Variants in DNAH14 observed in about 807,000 individuals in gnomAD.
DNAH14 encodes axonemal beta dynein heavy chain 14.
In DNAH14, 478 loss-of-function variants were observed where a neutral mutation model predicts 520.9. The ratio of observed to expected loss-of-function variants is 0.92; its 90% CI spans 0.85 to 0.99. DNAH14 has a LOEUF of 0.99. DNAH14 is among the 50% of genes least tolerant of loss of function. The pLI is 0.00. For missense variants in DNAH14, 4,831 were observed against 5,234.5 expected, an observed-to-expected ratio of 0.92 and a Z score of 2.38; for synonymous variants, 1,581 against 1,757.2, an observed-to-expected ratio of 0.90 and a Z score of 2.51.
Position 225,258,119 on chromosome 1 carries a change from GTATT to G in DNAH14, c.7024+2_7024+5del, listed in dbSNP as rs1304901271. ...AATTCCTGCCCTGTACTTCTCACAG[GTATT>G]ACAAATATTTAATAGAAGGAGAATT... On this transcript the variant is annotated splice_donor_variant and splice_donor_5th_base_variant and intron_variant, in intron 45 of 85. Transcript: ENST00000682510. LOFTEE classifies it high-confidence loss of function. 1.3e-6 allele frequency: 2 copies of G among 1,491,950 alleles called. No homozygotes were observed. The highest frequency in any genetic ancestry group is 2.9e-5 in the African/African-American group (2 of 68,918). 92.4% of individuals were successfully genotyped at this position (1,491,950 alleles called of 1,614,324 possible). A position where few individuals can be genotyped will look rare whatever the true frequency, so the allele number is the denominator to read the frequency against.
At chr1:224,997,737 T>C (rs1306430068) in intron 8 of DNAH14, among the ~76,000 whole-genome samples, 1 of 152,072 alleles carries the variant, frequency 6.6e-6, no homozygotes, top group Non-Finnish European at 1.5e-5. Context: ...TCTTTTTTTT[T>C]CAGATTATCG....
At chr1:225,201,115 C>T (rs980273146) in intron 38 of DNAH14, among the ~76,000 whole-genome samples, 5 of 151,726 alleles carry the variant, frequency 3.3e-5, no homozygotes, top group African/African-American at 9.7e-5. Flanking sequence ...ACCTTGTCTT[C>T]GAGGTCTGAA....
At chr1:224,988,253 A>G (rs1268684725) in intron 8 of DNAH14, among the ~76,000 whole-genome samples, 1 of 152,200 alleles carries the variant, frequency 6.6e-6, no homozygotes, top group African/African-American at 2.4e-5. Context: ...ATGGCTGCAT[A>G]GTATTCCGTG....
At chr1:225,107,661 A>G (rs986179764) in intron 23 of DNAH14, among the ~76,000 whole-genome samples, 2 of 152,156 alleles carry the variant, frequency 1.3e-5, no homozygotes, top group African/African-American at 4.8e-5. Flanking sequence ...TGCCATGGAT[A>G]CCGGAATTGC....
intron 51 of DNAH14, 73 bp downstream of exon 51, chr1:225,272,146 A>G (rs2093332166): frequency 1.4e-6 from 2 of 1,381,082 alleles, no homozygotes; most frequent in African/African-American, 1.5e-5. Context: ...TCAACATTAG[A>G]TTGTTAGAAG....
At chr1:225,107,479 G>A (rs538233270) in intron 23 of DNAH14, among the ~76,000 whole-genome samples, 20 of 152,278 alleles carry the variant, frequency 1.3e-4, no homozygotes, top group South Asian at 4.1e-4. Flanking sequence ...AGGAACACCA[G>A]GGTTCTTTGT....
At chr1:225,375,526 C>G (rs1482668595) in intron 78 of DNAH14, among the ~76,000 whole-genome samples, 2 of 152,052 alleles carry the variant, frequency 1.3e-5, no homozygotes, top group Non-Finnish European at 1.5e-5. Flanking sequence ...TGGGAGTGGG[C>G]CTGGTATCAT....
chr1:225,103,081 C>G (rs1219117207), intron 23 of DNAH14, among the ~76,000 whole-genome samples: 3 of 152,096 alleles, frequency 2.0e-5, no homozygotes, highest in Admixed American at 6.6e-5. Context: ...GTGTAAGGAA[C>G]AGATCCAGTT....
At chr1:225,053,082 T>G (rs187169480) in intron 17 of DNAH14, among the ~76,000 whole-genome samples, 1 of 152,224 alleles carries the variant, frequency 6.6e-6, no homozygotes, top group African/African-American at 2.4e-5. Flanking sequence ...ACACTTTTGC[T>G]TTTATTTTAT....
At position 224,964,587 on chromosome 1, in the gene DNAH14, C is replaced by T. The variant is rs200184686; in HGVS notation, c.476C>T (p.Ala159Val). Residue 159 changes from alanine to valine, a missense_variant, in exon 5 of 86, where the codon GCA (alanine) becomes GTA (valine). Transcript: ENST00000682510. ...TTGAAATACGGAAGCTCCAAAATTG[C>T]AATTCAGAAGATTACTTTAAAGGTA... is the stretch of plus-strand genomic sequence containing the variant. The part of the protein sequence containing the change: ...HSLKYGSSKI[A>V]IQKITLKKPL... 2.7e-4 allele frequency: 425 copies of T among 1,601,044 alleles called. 1 individual carries two copies. In the African/African-American group the frequency reaches 5.0e-3, roughly 19 times the overall value.
rs1558617220 is a variant in DNAH14 at position 224,991,084 on chromosome 1, C to CCTTTTTTTTTTTTTTTTT, written c.831-11699_831-11698insCTTTTTTTTTTTTTTTTT. 2.6e-5 allele frequency among the ~76,000 whole-genome samples: 2 copies of CCTTTTTTTTTTTTTTTTT among 77,900 alleles called. 1 individual carries two copies. 51.1% of individuals were successfully genotyped at this position (77,900 alleles called of 152,430 possible). On this transcript the variant is annotated intron_variant, in intron 8 of 85. Transcript: ENST00000682510. ...TTCCCTAATGATTAGTGATGTTGAG[C>CCTTTTTTTTTTTTTTTTT]TTTTTTTTTTTTTTTTTTTTTTTTT...
chr1:225,380,971 G>C (rs1284666277), intron 80 of DNAH14, among the ~76,000 whole-genome samples: 1 of 152,064 alleles, frequency 6.6e-6, no homozygotes, highest in Non-Finnish European at 1.5e-5. Context: ...ATTTGTTTTT[G>C]TACAGCCTGT....
At chr1:225,070,797 G>T (rs2071462294) in intron 17 of DNAH14, among the ~76,000 whole-genome samples, 1 of 152,088 alleles carries the variant, frequency 6.6e-6, no homozygotes, top group African/African-American at 2.4e-5. Flanking sequence ...TGTCAGTGGG[G>T]TGTTAAAGTT....
chr1:225,266,408 A>T (rs1398034226), intron 48 of DNAH14, among the ~76,000 whole-genome samples: 2 of 152,190 alleles, frequency 1.3e-5, no homozygotes, highest in Non-Finnish European at 2.9e-5. Flanking sequence ...TAGAAGGTGA[A>T]TAGAGTGTCT....
At chr1:225,034,515 T>TTGTGTGTGTGTGTGTGTGTG (rs71170047) in intron 11 of DNAH14, among the ~76,000 whole-genome samples, 1,754 of 147,736 alleles carry the variant, frequency 0.012, 50 homozygotes, top group Admixed American at 0.045. Context: ...TGGCTTGAAT[T>TTGTGTGTGTGTGTGTGTGTG]TGTGTGTGTG....
At chr1:225,316,917 C>A (rs1343674306) in intron 60 of DNAH14, among the ~76,000 whole-genome samples, 1 of 152,214 alleles carries the variant, frequency 6.6e-6, no homozygotes, top group Non-Finnish European at 1.5e-5. Context: ...CCTAAAAAAT[C>A]TTTGGCAGAA....
intron 78 of DNAH14, among the ~76,000 whole-genome samples, chr1:225,375,753 T>A (rs1474944509): frequency 6.6e-6 from 1 of 151,590 alleles, no homozygotes; most frequent in Non-Finnish European, 1.5e-5. Flanking sequence ...ATGAGGGCTT[T>A]TTTTTTTTTA....
intron 81 of DNAH14, among the ~76,000 whole-genome samples, chr1:225,384,043 C>A (rs1426430863): frequency 2.0e-5 from 3 of 152,210 alleles, no homozygotes; most frequent in Non-Finnish European, 4.4e-5. Context: ...TGTAGTTGAG[C>A]GGTTTTAGTG....
At chr1:225,169,530 G>T (rs2082383929) in intron 36 of DNAH14, among the ~76,000 whole-genome samples, 1 of 152,094 alleles carries the variant, frequency 6.6e-6, no homozygotes, top group African/African-American at 2.4e-5. Context: ...ATGATCAACT[G>T]CAAGAAAGGT....
Sources: gnomAD v4.1 joint callset for allele counts (sites outside exome capture counted in the v4.1 genomes callset) on GRCh38, gnomAD v4.1.1 for gene constraint, MANE v1.5 for transcripts, NCBI Gene and HGNC (gene_info 2026-07-23, HGNC 2026-07-21) for gene names.